MCC: variants seen among roughly 807,000 people sequenced by gnomAD.
MCC encodes the protein MCC regulator of Wnt signaling pathway.
MCC carries 90 observed loss-of-function variants against 116.2 expected under a neutral mutation model. The ratio of observed to expected loss-of-function variants is 0.77; its 90% CI spans 0.65 to 0.92. The LOEUF is 0.92. Ranked by LOEUF, MCC falls within the 40% of genes least tolerant of loss-of-function variation. The pLI, the probability that MCC is intolerant of heterozygous loss-of-function variation, is 0.00. For missense variants in MCC, 1,516 were observed against 1,312.2 expected, an observed-to-expected ratio of 1.16 and a Z score of -2.40; for synonymous variants, 578 against 510.5, an observed-to-expected ratio of 1.13 and a Z score of -1.78.
At chr5:113,075,321 C>A (rs956869605) in intron 11 of MCC, among the ~76,000 whole-genome samples, 1 of 152,094 alleles carries the variant, frequency 6.6e-6, no homozygotes, top group Non-Finnish European at 1.5e-5. Flanking sequence ...GCCCCCCTCA[C>A]CCCCTGTGGG....
At chr5:113,271,075 G>T (rs961001902) in intron 3 of MCC, among the ~76,000 whole-genome samples, 2 of 152,016 alleles carry the variant, frequency 1.3e-5, no homozygotes, top group African/African-American at 2.4e-5. Context: ...ACTCAAAATG[G>T]GACCCTTAGT....
chr5:113,161,603 A>G (rs1415134137), intron 3 of MCC, among the ~76,000 whole-genome samples: 1 of 150,096 alleles, frequency 6.7e-6, no homozygotes, highest in Non-Finnish European at 1.5e-5. Context: ...TGGGAAAGCA[A>G]ATGGAGGTTT....
chr5:113,199,791 T>C (rs1210382848), intron 3 of MCC, among the ~76,000 whole-genome samples: 2 of 152,206 alleles, frequency 1.3e-5, no homozygotes, highest in East Asian at 1.9e-4. Context: ...CCAAGGCTAA[T>C]ACCATCCTCT....
intron 2 of MCC, among the ~76,000 whole-genome samples, chr5:113,379,186 TC>T (rs1692536298): frequency 6.6e-6 from 1 of 152,200 alleles, no homozygotes; most frequent in African/African-American, 2.4e-5. Flanking sequence ...GCTCATCACG[TC>T]AGTTTTCTAA....
intron 1 of MCC, chr5:113,433,033 T>C (rs1770708701): frequency 6.6e-6 from 1 of 152,272 alleles, no homozygotes; most frequent in Admixed American, 6.5e-5. Context: ...CCAGTTGCCA[T>C]GCTACTCCTG....
chr5:113,418,865 C>A (rs1408629358), intron 1 of MCC, among the ~76,000 whole-genome samples: 1 of 152,158 alleles, frequency 6.6e-6, no homozygotes, highest in Non-Finnish European at 1.5e-5. Flanking sequence ...CAATGAGTTT[C>A]CATGCTGCAT....
chr5:113,338,772 C>T (rs17135570), intron 3 of MCC, among the ~76,000 whole-genome samples: 4,649 of 152,252 alleles, frequency 0.031, 233 homozygotes, highest in African/African-American at 0.1. Context: ...CACTGATAAT[C>T]GCCTAATCTC....
chr5:113,185,307 C>T (rs1364361999), intron 3 of MCC, among the ~76,000 whole-genome samples: 3 of 152,030 alleles, frequency 2.0e-5, no homozygotes, highest in Non-Finnish European at 4.4e-5. Flanking sequence ...AAGACACAAG[C>T]CCTAGAGGAA....
intron 6 of MCC, among the ~76,000 whole-genome samples, chr5:113,116,933 A>T (rs890705308): frequency 2.4e-4 from 36 of 152,230 alleles, no homozygotes; most frequent in Admixed American, 2.4e-3. Context: ...CAGAGAAATT[A>T]AGTTGCCCAC....
chr5:113,048,478 T>A (rs932336963), intron 16 of MCC: 1 of 152,426 alleles, frequency 6.6e-6, no homozygotes. Flanking sequence ...CAACTATCAG[T>A]GTCACACTGC....
chr5:113,428,785 T>C (rs1482149615), intron 1 of MCC: 2 of 152,228 alleles, frequency 1.3e-5, no homozygotes, highest in Non-Finnish European at 2.9e-5. Context: ...AAGAAGTAAG[T>C]TAATTCCAAC....
At chr5:113,436,094 G>A (rs1770850346) in intron 1 of MCC, 1 of 152,400 alleles carries the variant, frequency 6.6e-6, no homozygotes, top group Non-Finnish European at 1.5e-5. Flanking sequence ...TGAGCCAGGT[G>A]GAACCCTGGG....
intron 3 of MCC, among the ~76,000 whole-genome samples, chr5:113,194,611 T>C (rs938486729): frequency 4.0e-5 from 6 of 151,684 alleles, no homozygotes; most frequent in African/African-American, 1.5e-4. Flanking sequence ...CGAACCAAGA[T>C]TACATCACTG....
rs1235724326 is a variant in MCC, at chr5:113,292,124, C to T, written c.627+48395G>A. Reference sequence around the variant, plus strand: ...GCACATGCCTGTAATTCCAGCTACTCGGGAGACTGAGGTAAGAGAATCGCT... The same window carrying T: ...GCACATGCCTGTAATTCCAGCTACTTGGGAGACTGAGGTAAGAGAATCGCT... On this transcript the variant is annotated intron_variant, in intron 3 of 18. Coordinates refer to ENST00000408903, the MANE Select transcript of MCC (RefSeq NM_001085377.2). 9.9e-5 allele frequency among the ~76,000 whole-genome samples: 15 copies of T among 152,124 alleles called. No individual in the cohort carries two copies. The South Asian group carries it at 1.2e-3, about 13-fold the overall frequency.
At chr5:113,097,114 T>C (rs1211827225) in intron 8 of MCC, among the ~76,000 whole-genome samples, 1 of 152,078 alleles carries the variant, frequency 6.6e-6, no homozygotes, top group Non-Finnish European at 1.5e-5. Flanking sequence ...CAAAGTTCCA[T>C]AAAGGACAAA....
At chr5:113,203,646 T>A (rs1195765648) in intron 3 of MCC, among the ~76,000 whole-genome samples, 4 of 152,150 alleles carry the variant, frequency 2.6e-5, no homozygotes, top group African/African-American at 9.7e-5. Flanking sequence ...CAAACCCACA[T>A]TCAACCACTC....
intron 5 of MCC, among the ~76,000 whole-genome samples, chr5:113,141,633 C>T (rs991593662): frequency 2.0e-5 from 3 of 152,106 alleles, no homozygotes; most frequent in African/African-American, 7.2e-5. Context: ...GGAATCCCCT[C>T]GAGGAGGGGC....
chr5:113,166,171 T>C (rs1222274065), intron 3 of MCC, among the ~76,000 whole-genome samples: 1 of 152,160 alleles, frequency 6.6e-6, no homozygotes, highest in Non-Finnish European at 1.5e-5. Flanking sequence ...TTTTGTTTCC[T>C]GAAAGCAGAA....
chr5:113,371,254 A>G (rs974324575), intron 2 of MCC, among the ~76,000 whole-genome samples: 30 of 152,180 alleles, frequency 2.0e-4, no homozygotes, highest in Admixed American at 6.5e-5. Flanking sequence ...CAGTTGAATC[A>G]GAAGCCAGGA....
Sources: allele counts gnomAD v4.1 joint callset (sites outside exome capture counted in the v4.1 genomes callset), GRCh38; gene constraint gnomAD v4.1.1; transcripts MANE v1.5; gene names NCBI Gene and HGNC (gene_info 2026-07-23, HGNC 2026-07-21).